SLC22A8: variants seen among roughly 807,000 people sequenced by gnomAD.
SLC22A8 encodes the protein solute carrier family 22 member 8.
A neutral mutation model predicts 48.4 loss-of-function variants in SLC22A8; 40 were observed. The observed-to-expected ratio is 0.83, with a 90% CI of 0.64 to 1.08. The LOEUF is 1.08. Among genes scored for constraint, SLC22A8 ranks in the 50% least tolerant of loss-of-function variants. The pLI is 0.00. For missense variants in SLC22A8, 606 were observed against 699.0 expected, an observed-to-expected ratio of 0.87 and a Z score of 1.50; for synonymous variants, 268 against 286.3, an observed-to-expected ratio of 0.94 and a Z score of 0.65.
In SLC22A8 at chr11:62,994,775, T is replaced by G; in HGVS notation, c.1002-19A>C. 1 of 1,606,990 alleles carries G rather than the reference T, an allele frequency of 6.2e-7. No individual in the cohort carries two copies. Among genetic ancestry groups the G allele is most frequent in the South Asian group, 1.1e-5 (1 of 90,850 alleles). Reference sequence around the variant, plus strand: ...AGCAAACCTGAGAGGCAGAGAAGGATTGGTTAGCACCTGCAGCCAGGCAGA... The same window carrying G: ...AGCAAACCTGAGAGGCAGAGAAGGAGTGGTTAGCACCTGCAGCCAGGCAGA... On this transcript the variant is annotated intron_variant, in intron 7 of 10. Transcript: ENST00000336232.
rs900227682 is a variant in SLC22A8 at position 63,015,839 on chromosome 11, T to A, written c.-136A>T. ...GTAGGGCAGCTCAGCTCTAACAAGC[T>A]GTGTTTGTGCCTCCCCCAGGGGGGC... On this transcript the variant is annotated 5_prime_UTR_variant, in exon 1 of 11. Coordinates refer to ENST00000336232, the MANE Select transcript of SLC22A8 (RefSeq NM_004254.4). The A allele has an allele frequency of 6.6e-6, 1 of 152,384 alleles. No individual in the cohort carries two copies. Among genetic ancestry groups the A allele is most frequent in the Non-Finnish European group, 1.5e-5 (1 of 68,164 alleles). The allele number at this position is 152,384 out of a possible 1,614,324, so 9.4% of individuals were successfully genotyped here.
At chr11:63,008,211 A>G (rs1397587773) in intron 2 of SLC22A8, among the ~76,000 whole-genome samples, 1 of 152,240 alleles carries the variant, frequency 6.6e-6, no homozygotes, top group East Asian at 1.9e-4. Context: ...AGCATGAGGC[A>G]GAAAGTGGGC....
Position 62,993,485 on chromosome 11 carries a change from G to A in SLC22A8, c.1468C>T (p.Leu490Phe), listed in dbSNP as rs1011213584. 6.2e-7 allele frequency: 1 copy of A among 1,614,222 alleles called. No individual in the cohort carries two copies. The highest frequency in any genetic ancestry group is 8.5e-7 in the Non-Finnish European group (1 of 1,180,042). ...TGATTCAGGGTCTCAGGCAGGAAGA[G>A]GGCAGCACTGCCCCCGAGGAGGGCG... ...ITALLGGSAALFLPETLNQPL... is the reference protein window; with the variant it reads ...ITALLGGSAAFFLPETLNQPL... The change falls in exon 10 of 11, where the codon CTC becomes TTC. Residue 490 changes from leucine (L) to phenylalanine (F), a missense_variant. By Grantham distance (22) the Leu-to-Phe change is conservative. Transcript: ENST00000336232.
At chr11:62,996,235 C>T (rs1047265561) in intron 5 of SLC22A8, 83 bp from the exon 6 acceptor site, 2 of 1,407,386 alleles carry the variant, frequency 1.4e-6, no homozygotes, top group African/African-American at 2.9e-5. Context: ...ACAGCCAGGG[C>T]CAAGGGGTAG....
At chr11:63,009,207 C>A (rs1017955308) in intron 2 of SLC22A8, among the ~76,000 whole-genome samples, 1 of 152,096 alleles carries the variant, frequency 6.6e-6, no homozygotes, top group South Asian at 2.1e-4. Flanking sequence ...GAGAGATGGG[C>A]AACTGGGGAC....
intron 5 of SLC22A8, 89 bp downstream of exon 5, chr11:62,998,831 CA>C (rs2135124105): frequency 8.4e-7 from 1 of 1,190,286 alleles, no homozygotes; most frequent in Admixed American, 2.1e-5. Context: ...TGCCCGGGGA[CA>C]CAGAGTTGGC....
intron 5 of SLC22A8, among the ~76,000 whole-genome samples, chr11:62,998,108 TG>T (rs2086445331): frequency 6.6e-6 from 1 of 152,142 alleles, no homozygotes; most frequent in Non-Finnish European, 1.5e-5. Context: ...TGCGCCACCA[TG>T]CACGGCTAAT....
At position 62,994,980 on chromosome 11, in the gene SLC22A8, G is replaced by A. The variant is rs1383446780; in HGVS notation, c.1002-224C>T. On this transcript the variant is annotated intron_variant, in intron 7 of 10. Coordinates refer to ENST00000336232, the MANE Select transcript of SLC22A8 (RefSeq NM_004254.4). ...CATGTCTGACGTGGGCATGGTCCAG[G>A]GTGTGGTGGCAAAGGTGCCAATAAC... 3.4e-5 allele frequency: 20 copies of A among 581,290 alleles called. 1 individual carries two copies. The highest frequency in any genetic ancestry group is 5.9e-5 in the Non-Finnish European group (19 of 323,770). 36.0% of individuals were successfully genotyped at this position (581,290 alleles called of 1,614,324 possible). A position where few individuals can be genotyped will look rare whatever the true frequency, so the allele number is the denominator to read the frequency against.
intron 4 of SLC22A8, 111 bp from the exon 5 acceptor site, chr11:62,999,200 A>C: frequency 1.1e-6 from 1 of 915,438 alleles, no homozygotes; most frequent in Non-Finnish European, 1.7e-6. Context: ...CTCCCCACGG[A>C]TGCTGTTGAT....
In SLC22A8 at chr11:63,014,741, C is replaced by T; in HGVS notation, c.218G>A (p.Cys73Tyr). 1 of 1,614,148 alleles carries T rather than the reference C, an allele frequency of 6.2e-7. No individual in the cohort carries two copies. The highest frequency in any genetic ancestry group is 8.5e-7 in the Non-Finnish European group (1 of 1,179,994). The change falls in exon 2 of 11, where the codon TGC becomes TAC. Residue 73 changes from cysteine (C) to tyrosine (Y), a missense_variant. Cys to Tyr is a radical substitution (Grantham distance 194). Transcript: ENST00000336232. ...ATTGGGCGGATGTACAAAACGGAGG[C>T]ACCTCTCAGGCTTCCCATTTGGGCC... ...PMGPNGKPERCLRFVHPPNAS... is the reference protein window; with the variant it reads ...PMGPNGKPERYLRFVHPPNAS...
At position 62,995,768 on chromosome 11, in the gene SLC22A8, T is replaced by C; in HGVS notation, c.937A>G (p.Thr313Ala). 6.2e-7 allele frequency: 1 copy of C among 1,614,056 alleles called. No homozygotes were observed. The highest frequency in any genetic ancestry group is 8.5e-7 in the Non-Finnish European group (1 of 1,179,992). The part of the protein sequence containing the change: ...KEISLAKAKY[T>A]ASDLFRIPML... ...GGTATCCGGAACAGGTCACTTGCGG[T>C]GTACTTGGCCTTGGCCAAGGAGATC... The change falls in exon 7 of 11, where the codon ACC (threonine) becomes GCC (alanine). Residue 313 changes from threonine (T) to alanine (A), a missense_variant. Thr to Ala is a moderately conservative substitution (Grantham distance 58, BLOSUM62 0). Transcript: ENST00000336232.
At position 62,999,567 on chromosome 11, in the gene SLC22A8, G is replaced by T. The variant is rs1590692395; in HGVS notation, c.592+121C>A. 1.4e-5 allele frequency: 10 copies of T among 730,314 alleles called. No homozygotes were observed. The East Asian group carries it at 2.5e-4, about 19-fold the overall frequency. 45.2% of individuals were successfully genotyped at this position (730,314 alleles called of 1,614,324 possible). ...AGTGAGGCCTCTGAGGTCCTGAGAGGGGGTGGCACCTTGACCAAGGTCACA... is the reference window on the plus strand; with the variant it reads ...AGTGAGGCCTCTGAGGTCCTGAGAGTGGGTGGCACCTTGACCAAGGTCACA... On this transcript the variant is annotated intron_variant, in intron 4 of 10. Transcript: ENST00000336232.
intron 2 of SLC22A8, among the ~76,000 whole-genome samples, chr11:63,008,259 A>T (rs2086578932): frequency 6.6e-6 from 1 of 152,176 alleles, no homozygotes. Flanking sequence ...GATCAGGACC[A>T]TGATCAGCAG....
rs765061214 is a variant in SLC22A8 at position 62,993,441 on chromosome 11, G to A, written c.1512C>T (p.Ile504=). The A allele has an allele frequency of 6.2e-5, 100 of 1,614,036 alleles. No homozygotes were observed. The highest frequency in any genetic ancestry group is 3.5e-4 in the African/African-American group (26 of 74,912). Residue 504 remains isoleucine, a synonymous_variant, in exon 10 of 11, where the codon ATC becomes ATT. Coordinates refer to ENST00000336232, the MANE Select transcript of SLC22A8 (RefSeq NM_004254.4). ...ETLNQPLPET[I]EDLENWSLRA... ...TGACTGACCAGTTTTCCAGGTCTTCGATAGTCTCTGGCAAGGGCTGATTCA... is the reference window on the plus strand; with the variant it reads ...TGACTGACCAGTTTTCCAGGTCTTCAATAGTCTCTGGCAAGGGCTGATTCA...
chr11:62,994,315 C>T (rs1261770618), intron 8 of SLC22A8: 4 of 581,506 alleles, frequency 6.9e-6, no homozygotes, highest in Non-Finnish European at 1.2e-5. Context: ...TCACACTATC[C>T]AGATACCACC....
At chr11:62,996,262 A>G (rs1565295152) in intron 5 of SLC22A8, 110 bp from the exon 6 acceptor site, 1 of 1,114,840 alleles carries the variant, frequency 9.0e-7, no homozygotes, top group Non-Finnish European at 1.3e-6. Flanking sequence ...CAGAAACCTG[A>G]GCTATCTCAC....
chr11:62,994,390 T>C (rs575926672), intron 8 of SLC22A8, 152 bp downstream of exon 8: 1 of 632,642 alleles, frequency 1.6e-6, no homozygotes, highest in African/African-American at 1.8e-5. Flanking sequence ...CCCAATTGCG[T>C]TATTTTCTAG....
chr11:63,001,053 C>A, intron 2 of SLC22A8: 1 of 499,592 alleles, frequency 2.0e-6, no homozygotes, highest in East Asian at 3.6e-5. Context: ...TCATATGGCT[C>A]TCAAAGTCCA....
At chr11:63,014,553 T>G (rs2086652419) in intron 2 of SLC22A8, 73 bp downstream of exon 2, 1 of 1,353,118 alleles carries the variant, frequency 7.4e-7, no homozygotes, top group Non-Finnish European at 1.0e-6. Flanking sequence ...CCCAGCCTCC[T>G]CTGCTGCCCA....
Sources: allele counts gnomAD v4.1 joint callset (sites outside exome capture counted in the v4.1 genomes callset), GRCh38; gene constraint gnomAD v4.1.1; transcripts MANE v1.5; gene names NCBI Gene and HGNC (gene_info 2026-07-23, HGNC 2026-07-21).